The following NCKAP5 variants were observed in gnomAD, a reference collection of about 807,000 sequenced individuals.
The protein encoded by NCKAP5 is NCK associated protein 5.
A neutral mutation model predicts 167.0 loss-of-function variants in NCKAP5; 92 were observed. The ratio of observed to expected loss-of-function variants is 0.55; its 90% CI spans 0.47 to 0.66. The LOEUF (loss-of-function observed/expected upper bound fraction) is 0.66. Among genes scored for constraint, NCKAP5 ranks in the 30% least tolerant of loss-of-function variants. NCKAP5 has a pLI of 0.00. For missense variants in NCKAP5, 2,378 were observed against 2,315.0 expected (o/e 1.03, Z -0.56); for synonymous variants, 891 against 877.4 (o/e 1.02, Z -0.27).
intron 3 of NCKAP5, among the ~76,000 whole-genome samples, chr2:133,443,166 C>T (rs1690962441): frequency 6.6e-6 from 1 of 152,192 alleles, no homozygotes; most frequent in South Asian, 2.1e-4. Context: ...GTTTATGGGA[C>T]TATGGCATTG....
intron 6 of NCKAP5, among the ~76,000 whole-genome samples, chr2:133,071,458 C>A (rs1034184405): frequency 9.9e-5 from 15 of 152,134 alleles, no homozygotes; most frequent in African/African-American, 3.4e-4. Flanking sequence ...AAACAAAAAA[C>A]AAACAAACAA....
chr2:133,048,435 T>C (rs973737506), intron 6 of NCKAP5, among the ~76,000 whole-genome samples: 1 of 152,220 alleles, frequency 6.6e-6, no homozygotes, highest in Non-Finnish European at 1.5e-5. Context: ...TCTGCATAAT[T>C]ACTAACATTC....
chr2:133,567,657 C>CTGTGTGTGTGTGTGTGTGTGTGTG (rs3050985), intron 1 of NCKAP5, among the ~76,000 whole-genome samples: 2 of 130,900 alleles, frequency 1.5e-5, no homozygotes, highest in African/African-American at 5.6e-5. Context: ...ATGAATGAGC[C>CTGTGTGTGTGTGTGTGTGTGTGTG]TGTGTGTGTG....
At chr2:132,823,084 TG>T (rs1229093206) in intron 11 of NCKAP5, among the ~76,000 whole-genome samples, 1 of 152,212 alleles carries the variant, frequency 6.6e-6, no homozygotes, top group Non-Finnish European at 1.5e-5. Context: ...TAAGAATAAT[TG>T]ATGTCCCTGA....
intron 2 of NCKAP5, among the ~76,000 whole-genome samples, chr2:133,549,019 A>T (rs536248747): frequency 5.3e-5 from 8 of 152,034 alleles, no homozygotes; most frequent in South Asian, 4.2e-4. Flanking sequence ...GCTCAAAATA[A>T]AAGGATGGAG....
At chr2:133,272,266 A>C (rs2089548500) in intron 4 of NCKAP5, among the ~76,000 whole-genome samples, 1 of 152,126 alleles carries the variant, frequency 6.6e-6, no homozygotes. Context: ...ATGAAATCAA[A>C]GTCTAATAAA....
chr2:132,900,289 C>T lies in NCKAP5; in HGVS notation c.580-21373G>A, dbSNP rs139993737. Among the ~76,000 whole-genome samples, 511 of 152,322 alleles carry T rather than the reference C, an allele frequency of 3.4e-3. 1 individual carries two copies. Among genetic ancestry groups the T allele is most frequent in the African/African-American group, 0.012 (487 of 41,574 alleles). ...TGGAAAAATGGTACCAACAGACTTG[C>T]TCTATGCAGGGTTGCCGCAAACCCT... is the stretch of plus-strand genomic sequence containing the variant. On this transcript the variant is annotated intron_variant, in intron 8 of 19. Coordinates refer to ENST00000409261, the MANE Select transcript of NCKAP5 (RefSeq NM_207363.3).
chr2:133,661,928 G>A, the NCKAP5 span, among the ~76,000 whole-genome samples: 2 of 152,108 alleles, frequency 1.3e-5, no homozygotes, highest in African/African-American at 2.4e-5. Flanking sequence ...ACATGGAGCC[G>A]GTAAACTAAG....
chr2:133,229,603 A>G (rs2087050050), intron 4 of NCKAP5, among the ~76,000 whole-genome samples: 1 of 152,204 alleles, frequency 6.6e-6, no homozygotes, highest in Non-Finnish European at 1.5e-5. Context: ...CGTAGGTGCT[A>G]TTATTTTCCC....
chr2:133,349,734 G>T lies in NCKAP5; in HGVS notation c.70-46624C>A, dbSNP rs111539077. 2.6e-3 allele frequency among the ~76,000 whole-genome samples: 395 copies of T among 152,184 alleles called. 5 individuals are homozygous for T. Among genetic ancestry groups the T allele is most frequent in the African/African-American group, 9.2e-3 (381 of 41,526 alleles). ...AGCACAAAGAAATAAGTCCAGAGTA[G>T]CCCATTAGTTTTATGTCTTAAATAT... is the stretch of plus-strand genomic sequence containing the variant. On this transcript the variant is annotated intron_variant, in intron 3 of 19. Coordinates refer to ENST00000409261, the MANE Select transcript of NCKAP5 (RefSeq NM_207363.3).
chr2:133,181,889 T>C (rs138679756), intron 5 of NCKAP5, among the ~76,000 whole-genome samples: 33 of 152,122 alleles, frequency 2.2e-4, no homozygotes, highest in East Asian at 1.5e-3. Context: ...TAAAATAATA[T>C]AATGATATAG....
chr2:133,654,376 TCAAATAAA>T, the NCKAP5 span, among the ~76,000 whole-genome samples: 20 of 98,102 alleles, frequency 2.0e-4, no homozygotes, highest in East Asian at 5.0e-4. Flanking sequence ...AGACTCTATC[TCAAATAAA>T]TAAATAAATA....
intron 8 of NCKAP5, among the ~76,000 whole-genome samples, chr2:132,953,598 G>C (rs548635219): frequency 6.6e-6 from 1 of 151,964 alleles, no homozygotes; most frequent in South Asian, 2.1e-4. Context: ...GCCAGGCCTA[G>C]AAATGCCAAA....
chr2:133,215,617 G>A (rs545156989), intron 4 of NCKAP5, among the ~76,000 whole-genome samples: 1 of 152,254 alleles, frequency 6.6e-6, no homozygotes, highest in African/African-American at 2.4e-5. Context: ...ACAGTTACAT[G>A]ATGGAATACT....
At chr2:133,556,954 T>G (rs1687782155) in intron 2 of NCKAP5, 1 of 152,182 alleles carries the variant, frequency 6.6e-6, no homozygotes, top group Non-Finnish European at 1.5e-5. Flanking sequence ...AACATACTCA[T>G]TTGGACAATG....
intron 6 of NCKAP5, among the ~76,000 whole-genome samples, chr2:133,093,625 C>A (rs1043285114): frequency 3.7e-4 from 56 of 152,254 alleles, no homozygotes; most frequent in African/African-American, 1.3e-3. Context: ...TAGAAATGTT[C>A]TTTCTAAATG....
intron 16 of NCKAP5, among the ~76,000 whole-genome samples, chr2:132,760,112 T>G (rs1253472944): frequency 1.3e-5 from 2 of 152,164 alleles, no homozygotes; most frequent in African/African-American, 4.8e-5. Flanking sequence ...CCAGTTCTAT[T>G]ATTGCTCAGG....
chr2:133,009,434 T>C (rs574653424), intron 6 of NCKAP5, among the ~76,000 whole-genome samples: 1 of 152,242 alleles, frequency 6.6e-6, no homozygotes, highest in East Asian at 1.9e-4. Context: ...TATATTGATT[T>C]ACCTCATTTG....
Position 132,783,309 on chromosome 2 carries a change from C to T in NCKAP5, c.3502G>A (p.Gly1168Arg), listed in dbSNP as rs770040412. Residue 1168 changes from glycine (G) to arginine (R), a missense_variant, in exon 14 of 20, where the codon GGG becomes AGG. Physicochemically the swap from Gly to Arg is moderately radical, Grantham distance 125. Transcript: ENST00000409261. ...TTTAAACTGTCTTTTTCATGTTTCC[C>T]TGGCACGGTGGAACTTTTCCTGAGC... is the stretch of plus-strand genomic sequence containing the variant. ...QLLRKSSTVP[G>R]KHEKDSLNEA... 6 of 1,613,916 alleles carry T rather than the reference C, an allele frequency of 3.7e-6. No individual in the cohort carries two copies. Among genetic ancestry groups the T allele is most frequent in the Non-Finnish European group, 4.2e-6 (5 of 1,179,884 alleles).
Sources: allele counts gnomAD v4.1 joint callset (sites outside exome capture counted in the v4.1 genomes callset), GRCh38; gene constraint gnomAD v4.1.1; transcripts MANE v1.5; gene names NCBI Gene and HGNC (gene_info 2026-07-23, HGNC 2026-07-21).